The following PLEKHG4B variants were observed in gnomAD, a reference collection of about 807,000 sequenced individuals.
PLEKHG4B encodes the protein pleckstrin homology and RhoGEF domain containing G4B, also known as pleckstrin homology domain-containing family G member 4B.
A neutral mutation model predicts 121.3 loss-of-function variants in PLEKHG4B; 111 were observed. That is an observed-to-expected ratio of 0.92 (90% CI 0.78 to 1.07). PLEKHG4B has a LOEUF of 1.07. PLEKHG4B is among the 50% of genes least tolerant of loss of function. The pLI is 0.00. For missense variants in PLEKHG4B, 1,831 were observed against 1,757.8 expected (o/e 1.04, Z -0.74); for synonymous variants, 738 against 725.0 (o/e 1.02, Z -0.29).
At position 156,712 on chromosome 5, in the gene PLEKHG4B, AC is replaced by A. The variant is rs1735793313; in HGVS notation, c.2349-59del. ...AGCAGGGTTTTTATATGGGGTTGTC[AC>A]CAAGAGCAGATTCCTCAAGGGGCCG... On this transcript the variant is annotated intron_variant, in intron 10 of 19. Transcript: ENST00000637938. The surrounding 1 kb of genome is among the most constrained non-coding windows in gnomAD (Gnocchi z 4.4). 2.0e-6 allele frequency: 3 copies of A among 1,505,854 alleles called. No individual in the cohort carries two copies. The African/African-American group carries it at 4.2e-5, about 21-fold the overall frequency. 93.3% of individuals were successfully genotyped at this position (1,505,854 alleles called of 1,614,324 possible). A position where few individuals can be genotyped will look rare whatever the true frequency, so the allele number is the denominator to read the frequency against.
intron 1 of PLEKHG4B, among the ~76,000 whole-genome samples, chr5:111,927 C>T (rs552319614): frequency 7.4e-5 from 11 of 148,782 alleles, no homozygotes; most frequent in Non-Finnish European, 1.2e-4. Flanking sequence ...TGGCCTGAGA[C>T]GGGCCCACTC....
Position 157,163 on chromosome 5 carries a change from A to C in PLEKHG4B, c.2487+252A>C. 1 of 523,784 alleles carries C rather than the reference A, an allele frequency of 1.9e-6. No individual in the cohort carries two copies. Among genetic ancestry groups the C allele is most frequent in the East Asian group, 3.6e-5 (1 of 28,076 alleles). 32.4% of individuals were successfully genotyped at this position (523,784 alleles called of 1,614,324 possible). On this transcript the variant is annotated intron_variant, in intron 11 of 19. Coordinates refer to ENST00000637938, the MANE Select transcript of PLEKHG4B (RefSeq NM_052909.5). This position sits in a 1 kb window ranked among gnomAD's most constrained non-coding sequence, Gnocchi z 4.6. ...CCAGAGGAGGCCAGGGAGAAAAATA[A>C]TTTCACACTGTGCCTTCTGATGCTA...
rs1423929324 is a variant in PLEKHG4B, at chr5:156,253, G to A, written c.2348+43G>A. 2 of 1,393,214 alleles carry A rather than the reference G, an allele frequency of 1.4e-6. No individual in the cohort carries two copies. Among genetic ancestry groups the A allele is most frequent in the Non-Finnish European group, 9.4e-7 (1 of 1,067,106 alleles). The allele number at this position is 1,393,214 out of a possible 1,614,324, so 86.3% of individuals were successfully genotyped here. On this transcript the variant is annotated intron_variant, in intron 10 of 19. Transcript: ENST00000637938. The surrounding 1 kb of genome is among the most constrained non-coding windows in gnomAD (Gnocchi z 4.4). ...TCATGCTGGGCCCTGGCCCATCGAGGGAGCTGCTCGGGGGAGTTTGCACCA... is the reference window on the plus strand; with the variant it reads ...TCATGCTGGGCCCTGGCCCATCGAGAGAGCTGCTCGGGGGAGTTTGCACCA...
intron 5 of PLEKHG4B, chr5:144,269 C>G (rs1261187625): frequency 6.6e-6 from 1 of 152,432 alleles, no homozygotes; most frequent in Non-Finnish European, 1.5e-5. Context: ...AAATTTTGAA[C>G]TGAAGTTTCT....
At chr5:138,045 G>T (rs1199680529) in intron 2 of PLEKHG4B, among the ~76,000 whole-genome samples, 1 of 152,354 alleles carries the variant, frequency 6.6e-6, no homozygotes, top group African/African-American at 2.4e-5. Flanking sequence ...TGTCTGTATG[G>T]ACTGTGGGTC....
At position 140,191 on chromosome 5, in the gene PLEKHG4B, GA is replaced by G; in HGVS notation, c.953del (p.Glu318GlyfsTer64). On this transcript the variant is annotated frameshift_variant, in exon 3 of 20. Coordinates refer to ENST00000637938, the MANE Select transcript of PLEKHG4B (RefSeq NM_052909.5). LOFTEE classifies it high-confidence loss of function. ...SGERPDPMDQEDRPKALTFHT... is the reference protein window; with the variant it reads ...SGERPDPMDQXDRPKALTFHT... Reference sequence around the variant, plus strand: ...GGAGAGGCCGGACCCCATGGACCAGGAGGACAGACCCAAGGCCCTCACCTTC... The same window carrying G: ...GGAGAGGCCGGACCCCATGGACCAGGGGACAGACCCAAGGCCCTCACCTTC... 8.9e-7 allele frequency: 1 copy of G among 1,118,172 alleles called. No homozygotes were observed. Among genetic ancestry groups the G allele is most frequent in the Non-Finnish European group, 1.2e-6 (1 of 804,036 alleles). 69.3% of individuals were successfully genotyped at this position (1,118,172 alleles called of 1,614,324 possible). A position where few individuals can be genotyped will look rare whatever the true frequency, so the allele number is the denominator to read the frequency against.
chr5:131,899 G>A (rs1560914468), intron 2 of PLEKHG4B, among the ~76,000 whole-genome samples: 2 of 152,164 alleles, frequency 1.3e-5, no homozygotes, highest in Non-Finnish European at 2.9e-5. Flanking sequence ...TCTGTTGGCT[G>A]CATAAATGGA....
At chr5:93,305 G>C (rs917415409) in intron 1 of PLEKHG4B, among the ~76,000 whole-genome samples, 1 of 152,104 alleles carries the variant, frequency 6.6e-6, no homozygotes, top group African/African-American at 2.4e-5. Context: ...ACAAAGGTGA[G>C]TTTTAGCTTT....
rs900426506 is a variant in PLEKHG4B, at chr5:113,672, C to T, written c.243+224C>T. 6.6e-6 allele frequency among the ~76,000 whole-genome samples: 1 copy of T among 152,218 alleles called. No individual in the cohort carries two copies. The highest frequency in any genetic ancestry group is 6.5e-5 in the Admixed American group (1 of 15,284). On this transcript the variant is annotated intron_variant, in intron 2 of 19. Transcript: ENST00000637938. This position sits in a 1 kb window ranked among gnomAD's most constrained non-coding sequence, Gnocchi z 5.2. ...GGAGTGTGGAGCCCTCTTTGTCCCC[C>T]ACCCCCAATAAACTTGCACTGCATT... is the stretch of plus-strand genomic sequence containing the variant.
rs1733719652 is a variant in PLEKHG4B, at chr5:189,307, T to C, written c.*6984T>C. 6.6e-6 allele frequency: 1 copy of C among 152,388 alleles called. No homozygotes were observed. Among genetic ancestry groups the C allele is most frequent in the Non-Finnish European group, 1.5e-5 (1 of 68,194 alleles). The allele number at this position is 152,388 out of a possible 1,614,324, so 9.4% of individuals were successfully genotyped here. A position where few individuals can be genotyped will look rare whatever the true frequency, so the allele number is the denominator to read the frequency against. The stretch of plus-strand genomic sequence containing the variant: ...GAACACCAGACCCCCTCACCCCGTG[T>C]CCACCGCCCATGGCCGGGCTCACAG... On this transcript the variant is annotated 3_prime_UTR_variant, in exon 20 of 20. Coordinates refer to ENST00000637938, the MANE Select transcript of PLEKHG4B (RefSeq NM_052909.5).
At chr5:181,382 T>G in intron 18 of PLEKHG4B, 132 bp from the exon 19 acceptor site, 1 of 917,948 alleles carries the variant, frequency 1.1e-6, no homozygotes, top group Non-Finnish European at 1.6e-6. Context: ...CCCATGCCCC[T>G]CGTGGGGCAG....
chr5:104,403 A>AT (rs1733914083), intron 1 of PLEKHG4B, among the ~76,000 whole-genome samples: 1 of 152,244 alleles, frequency 6.6e-6, no homozygotes, highest in Non-Finnish European at 1.5e-5. Flanking sequence ...AGCTCTTAAC[A>AT]TGCAGTATCC....
intron 18 of PLEKHG4B, among the ~76,000 whole-genome samples, chr5:176,539 G>A (rs1354508694): frequency 6.6e-6 from 1 of 152,240 alleles, no homozygotes; most frequent in Non-Finnish European, 1.5e-5. Flanking sequence ...CACTTACAGA[G>A]ACAGAAACGG....
In PLEKHG4B at chr5:184,914, T is replaced by G. The variant is rs1733568659; in HGVS notation, c.*2591T>G. The G allele has an allele frequency of 6.6e-6, 1 of 152,218 alleles. No homozygotes were observed. 9.4% of individuals were successfully genotyped at this position (152,218 alleles called of 1,614,324 possible). A position where few individuals can be genotyped will look rare whatever the true frequency, so the allele number is the denominator to read the frequency against. On this transcript the variant is annotated 3_prime_UTR_variant, in exon 20 of 20. Coordinates refer to ENST00000637938, the MANE Select transcript of PLEKHG4B (RefSeq NM_052909.5). ...CTGTTTAAACAAAAGTATTAACGTA[T>G]CTGCGGTTTGTACTATACGCACAGG...
chr5:131,159 G>A (rs778391823), intron 2 of PLEKHG4B, among the ~76,000 whole-genome samples: 2 of 149,496 alleles, frequency 1.3e-5, no homozygotes, highest in Non-Finnish European at 2.9e-5. Flanking sequence ...TGTGCACAAC[G>A]TGCAGGTTTG....
chr5:144,995 G>T (rs980941560), intron 6 of PLEKHG4B, 75 bp downstream of exon 6: 4 of 1,407,444 alleles, frequency 2.8e-6, no homozygotes, highest in Non-Finnish European at 4.0e-6. Flanking sequence ...TGCCCACATC[G>T]TGGTTCTGGA....
At chr5:147,941 A>G (rs1735477317) in intron 6 of PLEKHG4B, among the ~76,000 whole-genome samples, 1 of 152,232 alleles carries the variant, frequency 6.6e-6, no homozygotes, top group Non-Finnish European at 1.5e-5. Context: ...CGACACATGA[A>G]AACTGATCAG....
intron 19 of PLEKHG4B, 120 bp from the exon 20 acceptor site, chr5:181,884 T>C (rs1733403501): frequency 7.6e-7 from 1 of 1,311,530 alleles, no homozygotes; most frequent in African/African-American, 1.5e-5. Context: ...GTGGGTTGGA[T>C]GGGCATGACT....
intron 2 of PLEKHG4B, among the ~76,000 whole-genome samples, chr5:121,043 G>A (rs1385346098): frequency 2.0e-5 from 3 of 151,888 alleles, no homozygotes; most frequent in South Asian, 2.1e-4. Flanking sequence ...TCAGGAGATC[G>A]AGACCATCCT....
Sources: gnomAD v4.1 joint callset for allele counts (sites outside exome capture counted in the v4.1 genomes callset) on GRCh38, gnomAD v4.1.1 for gene constraint, Gnocchi (gnomAD v3.1) non-coding constraint, MANE v1.5 for transcripts, NCBI Gene and HGNC (gene_info 2026-07-23, HGNC 2026-07-21) for gene names.